PTPN4: variants seen among roughly 807,000 people sequenced by gnomAD.
The protein encoded by PTPN4 is protein tyrosine phosphatase non-receptor type 4.
Under a neutral mutation model 135.5 loss-of-function variants are expected in PTPN4, and 49 were observed. The observed-to-expected ratio is 0.36, with a 90% CI of 0.29 to 0.46. PTPN4 has a LOEUF of 0.46. Ranked by LOEUF, PTPN4 falls within the 20% of genes least tolerant of loss-of-function variation. The pLI is 1.00. For synonymous variants in PTPN4, 333 were observed against 369.9 expected (o/e 0.90, Z 1.14); for missense variants, 860 against 1,101.0 (o/e 0.78, Z 3.10).
At chr2:119,824,245 T>C (rs1321465339) in intron 2 of PTPN4, among the ~76,000 whole-genome samples, 1 of 152,226 alleles carries the variant, frequency 6.6e-6, no homozygotes, top group African/African-American at 2.4e-5. Flanking sequence ...GAATAATCCA[T>C]GTGCACTTAA....
chr2:119,842,826 T>C (rs996738446), intron 2 of PTPN4, among the ~76,000 whole-genome samples: 2 of 152,170 alleles, frequency 1.3e-5, no homozygotes, highest in African/African-American at 2.4e-5. Flanking sequence ...ACAGATCTTT[T>C]ATAGCTATCA....
Position 119,956,937 on chromosome 2 carries a change from A to G in PTPN4, c.2071+3A>G, listed in dbSNP as rs200535102. On this transcript the variant is annotated splice_donor_region_variant and intron_variant, in intron 21 of 26. Coordinates refer to ENST00000263708, the MANE Select transcript of PTPN4 (RefSeq NM_002830.4). ...TAGATACAGAGATATTTCGCCTTGT[A>G]AGTATCTTATTGTCTCTGTTAAATT... 1.2e-6 allele frequency: 2 copies of G among 1,608,394 alleles called. No homozygotes were observed. The highest frequency in any genetic ancestry group is 1.7e-5 in the Admixed American group (1 of 58,516).
chr2:119,759,975 C>T lies in PTPN4; in HGVS notation c.-427C>T. The T allele has an allele frequency of 2.6e-6, 1 of 377,590 alleles. No individual in the cohort carries two copies. Among genetic ancestry groups the T allele is most frequent in the Admixed American group, 4.6e-5 (1 of 21,962 alleles). 23.4% of individuals were successfully genotyped at this position (377,590 alleles called of 1,614,324 possible). A position where few individuals can be genotyped will look rare whatever the true frequency, so the allele number is the denominator to read the frequency against. On this transcript the variant is annotated 5_prime_UTR_variant, in exon 1 of 27. Transcript: ENST00000263708. ...GTGCGCTTTTCCGCTCCTCGCGCCCCACCACCAACATTGTTCTCTCAGGAC... is the reference window on the plus strand; with the variant it reads ...GTGCGCTTTTCCGCTCCTCGCGCCCTACCACCAACATTGTTCTCTCAGGAC...
intron 5 of PTPN4, among the ~76,000 whole-genome samples, chr2:119,878,565 C>T (rs945411017): frequency 6.6e-6 from 1 of 152,090 alleles, no homozygotes; most frequent in Admixed American, 6.5e-5. Context: ...ATTTAATTAG[C>T]TGCAGCTGCC....
At chr2:119,806,841 C>A (rs1218290881) in intron 1 of PTPN4, among the ~76,000 whole-genome samples, 2 of 152,164 alleles carry the variant, frequency 1.3e-5, no homozygotes, top group African/African-American at 4.8e-5. Flanking sequence ...AAGCACTCCT[C>A]AGCAAATGTA....
rs567549790 is a variant in PTPN4 at position 119,877,447 on chromosome 2, A to G, written c.290-17A>G. 11 of 1,605,976 alleles carry G rather than the reference A, an allele frequency of 6.8e-6. No homozygotes were observed. The highest frequency in any genetic ancestry group is 6.8e-6 in the Non-Finnish European group (8 of 1,177,444). Reference sequence around the variant, plus strand: ...TAATATAGTCTGATTAATTAGAACTACTTTTATTAATTCTAGGAGGATCTC... The same window carrying G: ...TAATATAGTCTGATTAATTAGAACTGCTTTTATTAATTCTAGGAGGATCTC... On this transcript the variant is annotated splice_polypyrimidine_tract_variant and intron_variant, in intron 4 of 26. Transcript: ENST00000263708.
chr2:119,922,652 T>C (rs1425809888), intron 12 of PTPN4, among the ~76,000 whole-genome samples: 1 of 152,204 alleles, frequency 6.6e-6, no homozygotes, highest in Non-Finnish European at 1.5e-5. Context: ...TCGTACGATA[T>C]CATTTTCAGA....
chr2:119,937,120 C>T (rs1032992563), intron 15 of PTPN4, among the ~76,000 whole-genome samples: 2 of 152,174 alleles, frequency 1.3e-5, no homozygotes, highest in Admixed American at 6.5e-5. Context: ...AACAGAAACT[C>T]GGGCTTTCTG....
intron 1 of PTPN4, among the ~76,000 whole-genome samples, chr2:119,766,448 G>GCGCT (rs1293114449): frequency 2.8e-5 from 2 of 71,468 alleles, no homozygotes; most frequent in African/African-American, 1.0e-4. Flanking sequence ...GCATGTGCGC[G>GCGCT]CGTGTGTGTG....
chr2:119,902,162 C>G (rs1284678206), intron 10 of PTPN4, among the ~76,000 whole-genome samples: 1 of 152,130 alleles, frequency 6.6e-6, no homozygotes, highest in African/African-American at 2.4e-5. Flanking sequence ...ATCAGAAAAT[C>G]TTTTAAAAAG....
intron 2 of PTPN4, among the ~76,000 whole-genome samples, chr2:119,811,068 CG>C (rs1396885656): frequency 6.6e-6 from 1 of 150,402 alleles, no homozygotes; most frequent in African/African-American, 2.5e-5. Flanking sequence ...AATCTTACAC[CG>C]GGGCCAGTCG....
intron 25 of PTPN4, among the ~76,000 whole-genome samples, chr2:119,966,501 AC>A (rs1679447880): frequency 6.6e-6 from 1 of 152,074 alleles, no homozygotes; most frequent in Non-Finnish European, 1.5e-5. Flanking sequence ...CAAGGGATCC[AC>A]CTACTTCGGC....
chr2:119,843,409 A>G (rs1479704924), intron 2 of PTPN4, among the ~76,000 whole-genome samples: 2 of 139,542 alleles, frequency 1.4e-5, no homozygotes, highest in African/African-American at 5.4e-5. Context: ...AGACACGGCA[A>G]CCATCCGATT....
chr2:119,777,074 CT>C (rs893514954), intron 1 of PTPN4, among the ~76,000 whole-genome samples: 1 of 152,230 alleles, frequency 6.6e-6, no homozygotes, highest in Non-Finnish European at 1.5e-5. Context: ...CCTACATGGT[CT>C]GTGGACCTGG....
intron 23 of PTPN4, 73 bp from the exon 24 acceptor site, chr2:119,962,543 C>T (rs930473531): frequency 7.8e-6 from 7 of 898,942 alleles, no homozygotes; most frequent in Non-Finnish European, 1.0e-5. Context: ...ATTAAAAAAA[C>T]ATTTTTAAAA....
intron 15 of PTPN4, among the ~76,000 whole-genome samples, chr2:119,935,505 C>T (rs1380456812): frequency 4.0e-5 from 6 of 151,872 alleles, no homozygotes; most frequent in Non-Finnish European, 8.8e-5. Flanking sequence ...CATGTTTGTC[C>T]CTGGGTAGGG....
intron 11 of PTPN4, chr2:119,916,837 CATTA>C (rs1190812225): frequency 6.6e-6 from 1 of 152,204 alleles, no homozygotes; most frequent in African/African-American, 2.4e-5. Flanking sequence ...TTGCATATAA[CATTA>C]GTTCGTTCCA....
At chr2:119,916,981 G>A (rs1434757879) in intron 11 of PTPN4, among the ~76,000 whole-genome samples, 3 of 152,108 alleles carry the variant, frequency 2.0e-5, no homozygotes, top group African/African-American at 4.8e-5. Context: ...TATTTTACAT[G>A]TTTTAAAATT....
chr2:119,862,424 A>G (rs1023791916), intron 2 of PTPN4, 112 bp from the exon 3 acceptor site: 8 of 877,392 alleles, frequency 9.1e-6, no homozygotes, highest in Non-Finnish European at 1.2e-5. Flanking sequence ...AACGTTTGCT[A>G]CCTCTGGCAT....
Sources: allele counts gnomAD v4.1 joint callset (sites outside exome capture counted in the v4.1 genomes callset), GRCh38; gene constraint gnomAD v4.1.1; transcripts MANE v1.5; gene names NCBI Gene and HGNC (gene_info 2026-07-23, HGNC 2026-07-21).